Variants in TCERG1L observed in about 807,000 individuals in gnomAD.
TCERG1L encodes the protein transcription elongation regulator 1-like protein.
TCERG1L carries 37 observed loss-of-function variants against 56.3 expected under a neutral mutation model. The ratio of observed to expected loss-of-function variants is 0.66; its 90% confidence interval spans 0.51 to 0.87. TCERG1L has a LOEUF of 0.87. Among genes scored for constraint, TCERG1L ranks in the 40% least tolerant of loss-of-function variants. The pLI is 0.00. For missense variants in TCERG1L, 799 were observed against 774.2 expected (o/e 1.03, Z -0.38); for synonymous variants, 324 against 326.3 (o/e 0.99, Z 0.08).
rs529934601 is a variant in TCERG1L at position 131,209,174 on chromosome 10, T to C, written c.857-42289A>G. The stretch of plus-strand genomic sequence containing the variant: ...AGGGTGCGTAGGGAACATCAGTGAA[T>C]TCTGTGTTCAGGCTTAGGTCCTAGC... On this transcript the variant is annotated intron_variant, in intron 4 of 11. Coordinates refer to ENST00000368642, the MANE Select transcript of TCERG1L (RefSeq NM_174937.4). Among the ~76,000 whole-genome samples, 3 of 152,254 alleles carry C rather than the reference T, an allele frequency of 2.0e-5. No homozygotes were observed. The East Asian group carries it at 5.8e-4, about 29-fold the overall frequency.
intron 4 of TCERG1L, among the ~76,000 whole-genome samples, chr10:131,224,247 T>G (rs1462851122): frequency 6.6e-6 from 1 of 152,112 alleles, no homozygotes; most frequent in Non-Finnish European, 1.5e-5. Flanking sequence ...TACATGCTCC[T>G]GCCCCACACG....
intron 4 of TCERG1L, among the ~76,000 whole-genome samples, chr10:131,245,779 G>C (rs541333316): frequency 1.3e-5 from 2 of 152,308 alleles, no homozygotes; most frequent in East Asian, 3.9e-4. Context: ...GGTGCAGTGG[G>C]TGGGAAGTGC....
chr10:131,123,143 G>A (rs979165404), intron 8 of TCERG1L, among the ~76,000 whole-genome samples: 8 of 152,126 alleles, frequency 5.3e-5, no homozygotes, highest in Admixed American at 1.3e-4. Context: ...GTTAGCACGC[G>A]GCTGCTGATG....
rs56291070 is a variant in TCERG1L, at chr10:131,257,012, A to G, written c.856+3247T>C. Among the ~76,000 whole-genome samples the G allele has an allele frequency of 8.0e-3, 985 of 122,668 alleles. 1 individual carries two copies. The highest frequency in any genetic ancestry group is 0.022 in the East Asian group (98 of 4,472). 80.5% of individuals were successfully genotyped at this position (122,668 alleles called of 152,430 possible). On this transcript the variant is annotated intron_variant, in intron 4 of 11. Transcript: ENST00000368642. Reference sequence around the variant, plus strand: ...AGGAAGGAAAGAAAGAAAGAAAGAAAGAAAGAAAGAAAGAAAGAAAGAAAG... The same window carrying G: ...AGGAAGGAAAGAAAGAAAGAAAGAAGGAAAGAAAGAAAGAAAGAAAGAAAG...
At chr10:131,105,800 C>T (rs1845347206) in intron 9 of TCERG1L, among the ~76,000 whole-genome samples, 1 of 152,234 alleles carries the variant, frequency 6.6e-6, no homozygotes, top group African/African-American at 2.4e-5. Context: ...GGATACTCAG[C>T]CCATGCTTGG....
At chr10:131,193,273 T>A (rs1038234484) in intron 4 of TCERG1L, among the ~76,000 whole-genome samples, 2 of 152,168 alleles carry the variant, frequency 1.3e-5, no homozygotes, top group East Asian at 3.8e-4. Context: ...CCTACCAGAT[T>A]AATCATTTGC....
chr10:131,233,544 TC>T (rs1304770602), intron 4 of TCERG1L, among the ~76,000 whole-genome samples: 2 of 152,152 alleles, frequency 1.3e-5, no homozygotes, highest in Non-Finnish European at 2.9e-5. Context: ...GGCTTTTGTT[TC>T]ATTTCTACAG....
intron 4 of TCERG1L, among the ~76,000 whole-genome samples, chr10:131,174,941 T>C (rs1846131675): frequency 6.6e-6 from 1 of 151,684 alleles, no homozygotes; most frequent in Non-Finnish European, 1.5e-5. Flanking sequence ...ACCTCAACCC[T>C]GCAGCCTGAA....
At chr10:131,261,716 G>A (rs1846238599) in intron 3 of TCERG1L, among the ~76,000 whole-genome samples, 1 of 152,232 alleles carries the variant, frequency 6.6e-6, no homozygotes, top group Non-Finnish European at 1.5e-5. Context: ...TGGGAAGGCT[G>A]GCCTTCGGGG....
Position 131,280,023 on chromosome 10 carries a change from A to G in TCERG1L, c.671-19579T>C, listed in dbSNP as rs137978578. Reference sequence around the variant, plus strand: ...ATCAGAGAGAGGTCTCAGTTAATTTAGAAAATGTATTTTGCCAAGCTTGAG... The same window carrying G: ...ATCAGAGAGAGGTCTCAGTTAATTTGGAAAATGTATTTTGCCAAGCTTGAG... On this transcript the variant is annotated intron_variant, in intron 3 of 11. Coordinates refer to ENST00000368642, the MANE Select transcript of TCERG1L (RefSeq NM_174937.4). Among the ~76,000 whole-genome samples, 316 of 152,334 alleles carry G rather than the reference A, an allele frequency of 2.1e-3. 3 individuals are homozygous for G. The highest frequency in any genetic ancestry group is 0.014 in the Admixed American group (220 of 15,302).
At chr10:131,181,567 A>G (rs1845175932) in intron 4 of TCERG1L, among the ~76,000 whole-genome samples, 1 of 152,262 alleles carries the variant, frequency 6.6e-6, no homozygotes, top group Non-Finnish European at 1.5e-5. Flanking sequence ...GGCAGGGCTC[A>G]TGGAAGTAGA....
intron 4 of TCERG1L, among the ~76,000 whole-genome samples, chr10:131,258,400 G>A (rs895327368): frequency 3.3e-5 from 5 of 152,304 alleles, no homozygotes; most frequent in African/African-American, 1.2e-4. Flanking sequence ...AGAGGAGGCC[G>A]CCAGGGCAGC....
chr10:131,235,518 T>G (rs1190179400), intron 4 of TCERG1L, among the ~76,000 whole-genome samples: 35 of 152,150 alleles, frequency 2.3e-4, no homozygotes, highest in Non-Finnish European at 4.4e-5. Context: ...AAAGAACAAC[T>G]AAAAACGATA....
At chr10:131,183,802 C>T (rs1301267404) in intron 4 of TCERG1L, among the ~76,000 whole-genome samples, 1 of 152,212 alleles carries the variant, frequency 6.6e-6, no homozygotes, top group Non-Finnish European at 1.5e-5. Context: ...TGCTCTTCTT[C>T]TTACACGTGA....
rs1336487479 is a variant in TCERG1L at position 131,103,091 on chromosome 10, T to C, written c.1485+1174A>G. Among the ~76,000 whole-genome samples, 1 of 151,844 alleles carries C rather than the reference T, an allele frequency of 6.6e-6. No homozygotes were observed. Among genetic ancestry groups the C allele is most frequent in the Non-Finnish European group, 1.5e-5 (1 of 68,008 alleles). On this transcript the variant is annotated intron_variant, in intron 10 of 11. Coordinates refer to ENST00000368642, the MANE Select transcript of TCERG1L (RefSeq NM_174937.4). The surrounding 1 kb of genome is among the most constrained non-coding windows in gnomAD (Gnocchi z 4.3). ...GTGCTGCTAGTGTTCTCTGGACCAC[T>C]CCTATTTCATCACTATTATTGTCAA...
intron 3 of TCERG1L, among the ~76,000 whole-genome samples, chr10:131,287,963 G>A (rs1846564357): frequency 2.6e-5 from 4 of 152,158 alleles, no homozygotes; most frequent in Admixed American, 2.6e-4. Flanking sequence ...TTAAACGATA[G>A]ACTAGAAGGT....
At chr10:131,137,224 C>A (rs1308816239) in intron 7 of TCERG1L, among the ~76,000 whole-genome samples, 2 of 152,174 alleles carry the variant, frequency 1.3e-5, no homozygotes, top group Non-Finnish European at 2.9e-5. Flanking sequence ...CACCCCAACA[C>A]CCTCTAAGGA....
chr10:131,208,828 C>T (rs1353374501), intron 4 of TCERG1L, among the ~76,000 whole-genome samples: 1 of 152,106 alleles, frequency 6.6e-6, no homozygotes, highest in South Asian at 2.1e-4. Flanking sequence ...GAGACCGAGG[C>T]GGACGGATCA....
intron 3 of TCERG1L, among the ~76,000 whole-genome samples, chr10:131,266,203 T>A (rs1379045585): frequency 6.6e-6 from 1 of 152,240 alleles, no homozygotes; most frequent in Non-Finnish European, 1.5e-5. Flanking sequence ...TTCAGTCACA[T>A]CTTCAAGCTC....
Sources: allele counts gnomAD v4.1 joint callset (sites outside exome capture counted in the v4.1 genomes callset), GRCh38; gene constraint gnomAD v4.1.1; non-coding constraint Gnocchi (gnomAD v3.1); transcripts MANE v1.5; gene names NCBI Gene and HGNC (gene_info 2026-07-23, HGNC 2026-07-21).